The following HSP90AB1 variants were observed in gnomAD, a reference collection of about 807,000 sequenced individuals.
HSP90AB1 encodes heat shock protein 90 alpha family class B member 1.
HSP90AB1 carries 17 observed loss-of-function variants against 67.8 expected under a neutral mutation model. That is an observed-to-expected ratio of 0.25 (90% CI 0.17 to 0.38). HSP90AB1 has a LOEUF of 0.38. HSP90AB1 is among the 10% of genes least tolerant of loss of function. HSP90AB1 has a pLI of 1.00. For synonymous variants in HSP90AB1, 390 were observed against 312.9 expected, an observed-to-expected ratio of 1.25 and a Z score of -2.60; for missense variants, 690 against 899.9, an observed-to-expected ratio of 0.77 and a Z score of 2.98.
In HSP90AB1 at chr6:44,253,746, A is replaced by T. The variant is rs758408951; in HGVS notation, c.*148A>T. On this transcript the variant is annotated 3_prime_UTR_variant, in exon 12 of 12. Coordinates refer to ENST00000371646, the MANE Select transcript of HSP90AB1 (RefSeq NM_007355.4). The stretch of plus-strand genomic sequence containing the variant: ...CTCCTGTCCTTGTGTTGAAGGCAGT[A>T]AACTAAGGGTGTCAAGCCCCATTCC... 3.8e-6 allele frequency: 3 copies of T among 782,112 alleles called. No homozygotes were observed. The highest frequency in any genetic ancestry group is 7.1e-6 in the Non-Finnish European group (3 of 420,354). 48.4% of individuals were successfully genotyped at this position (782,112 alleles called of 1,614,324 possible).
chr6:44,247,922 C>T (rs369057428), intron 1 of HSP90AB1: 1 of 152,236 alleles, frequency 6.6e-6, no homozygotes, highest in African/African-American at 2.4e-5. Context: ...CTCGCGTGGT[C>T]CTGGCCGACG....
At chr6:44,247,997 T>G (rs1000003153) in intron 1 of HSP90AB1, 1 of 152,296 alleles carries the variant, frequency 6.6e-6, no homozygotes, top group Non-Finnish European at 1.5e-5. Flanking sequence ...GGTTTGGTCC[T>G]GTTCTGTAAT....
rs780117190 is a variant in HSP90AB1, at chr6:44,248,785, T to C, written c.147+9T>C. The C allele has an allele frequency of 1.9e-6, 3 of 1,591,890 alleles. No individual in the cohort carries two copies. The highest frequency in any genetic ancestry group is 2.6e-6 in the Non-Finnish European group (3 of 1,173,952). On this transcript the variant is annotated intron_variant, in intron 2 of 11. Coordinates refer to ENST00000371646, the MANE Select transcript of HSP90AB1 (RefSeq NM_007355.4). Reference sequence around the variant, plus strand: ...TCTCTAATGCTTCTGATGTAGGTGCTCTGGTTTCCACATTTGGCATGGTTT... The same window carrying C: ...TCTCTAATGCTTCTGATGTAGGTGCCCTGGTTTCCACATTTGGCATGGTTT...
At chr6:44,246,265 G>C (rs1189248520), upstream of HSP90AB1, 1 of 152,276 alleles carries the variant, frequency 6.6e-6, no homozygotes, top group Admixed American at 6.5e-5. Context: ...TTGACGCGGG[G>C]AAGGAGGGGT....
chr6:44,248,900 A>G lies in HSP90AB1; in HGVS notation c.147+124A>G. 6 of 857,136 alleles carry G rather than the reference A, an allele frequency of 7.0e-6. No homozygotes were observed. The South Asian group carries it at 8.3e-5, about 12-fold the overall frequency. The allele number at this position is 857,136 out of a possible 1,614,324, so 53.1% of individuals were successfully genotyped here. A position where few individuals can be genotyped will look rare whatever the true frequency, so the allele number is the denominator to read the frequency against. ...AAGGGGGTAAACTTGCAGCTATTCC[A>G]AAAAGATGGGTTTTACTCTGGCCAT... is the stretch of plus-strand genomic sequence containing the variant. On this transcript the variant is annotated intron_variant, in intron 2 of 11. Coordinates refer to ENST00000371646, the MANE Select transcript of HSP90AB1 (RefSeq NM_007355.4).
chr6:44,251,643 C>T, intron 8 of HSP90AB1, 35 bp downstream of exon 8: 2 of 1,586,328 alleles, frequency 1.3e-6, no homozygotes, highest in Non-Finnish European at 1.7e-6. Context: ...CCCTTTACCA[C>T]TTTCTTAGTA....
rs756933331 is a variant in HSP90AB1 at position 44,253,772 on chromosome 6, C to T, written c.*174C>T. On this transcript the variant is annotated 3_prime_UTR_variant, in exon 12 of 12. Coordinates refer to ENST00000371646, the MANE Select transcript of HSP90AB1 (RefSeq NM_007355.4). ...AACTAAGGGTGTCAAGCCCCATTCC[C>T]TCTCTACTCTTGACAGCAGGATTGG... is the stretch of plus-strand genomic sequence containing the variant. The T allele has an allele frequency of 5.1e-6, 4 of 777,776 alleles. No individual in the cohort carries two copies. Among genetic ancestry groups the T allele is most frequent in the Non-Finnish European group, 9.6e-6 (4 of 416,992 alleles). The allele number at this position is 777,776 out of a possible 1,614,324, so 48.2% of individuals were successfully genotyped here. A position where few individuals can be genotyped will look rare whatever the true frequency, so the allele number is the denominator to read the frequency against.
At position 44,251,202 on chromosome 6, in the gene HSP90AB1, C is replaced by T; in HGVS notation, c.1112C>T (p.Pro371Leu). ...ATGGACAGCTGTGATGAGTTGATAC[C>T]AGAGTATCTCAGTGAGTATCTCCTT... Reference protein sequence around the residue: ...FIMDSCDELIPEYLNFIRGVV... With the variant: ...FIMDSCDELILEYLNFIRGVV... The change falls in exon 7 of 12, where the codon CCA becomes CTA. Residue 371 changes from proline to leucine, a missense_variant. Physicochemically the swap from Pro to Leu is moderately conservative, Grantham distance 98. This residue lies in a region of HSP90AB1 where 101 missense variants were observed against 174.8 expected (regional missense o/e 0.58). Coordinates refer to ENST00000371646, the MANE Select transcript of HSP90AB1 (RefSeq NM_007355.4). 6.2e-7 allele frequency: 1 copy of T among 1,614,032 alleles called. No homozygotes were observed. The highest frequency in any genetic ancestry group is 8.5e-7 in the Non-Finnish European group (1 of 1,179,918).
rs986614605 is a variant in HSP90AB1 at position 44,250,596 on chromosome 6, C to A, written c.954C>A (p.Val318=). 14 of 1,578,902 alleles carry A rather than the reference C, an allele frequency of 8.9e-6. No homozygotes were observed. The highest frequency in any genetic ancestry group is 3.3e-5 in the South Asian group (3 of 89,760). The change falls in exon 6 of 12, where the codon GTC becomes GTA. Residue 318 remains valine (V), a synonymous_variant. Transcript: ENST00000371646. ...ATGACTGGGAAGACCACTTGGCAGT[C>A]AAGGTGTGAGAAGCCTTTGCATGTT... ...LTNDWEDHLA[V]KHFSVEGQLE...
chr6:44,246,751 C>T (rs34094794), upstream of HSP90AB1, among the ~76,000 whole-genome samples: 15,453 of 152,152 alleles, frequency 0.1, 849 homozygotes, highest in African/African-American at 0.14. Context: ...CCCCCCCAGT[C>T]CCGCCCTTGG....
At position 44,249,788 on chromosome 6, in the gene HSP90AB1, T is replaced by C. The variant is rs1482184119; in HGVS notation, c.468T>C (p.Ala156=). 6.2e-7 allele frequency: 1 copy of C among 1,613,304 alleles called. No individual in the cohort carries two copies. Among genetic ancestry groups the C allele is most frequent in the Non-Finnish European group, 8.5e-7 (1 of 1,179,602 alleles). Residue 156 remains alanine, a synonymous_variant, in exon 4 of 12, where the codon GCT becomes GCC. Transcript: ENST00000371646. ...ITKHNDDEQY[A]WESSAGGSFT... The stretch of plus-strand genomic sequence containing the variant: ...AGCACAACGATGATGAACAGTATGC[T>C]TGGGAGTCTTCTGCTGGAGGTTCCT...
chr6:44,247,625 C>G (rs886254338), intron 1 of HSP90AB1, among the ~76,000 whole-genome samples: 1 of 152,216 alleles, frequency 6.6e-6, no homozygotes, highest in African/African-American at 2.4e-5. Flanking sequence ...CCTCTCTTAT[C>G]GGACGCGTTG....
intron 2 of HSP90AB1, 29 bp downstream of exon 2, chr6:44,248,805 T>C (rs1561897809): frequency 1.3e-6 from 2 of 1,524,616 alleles, no homozygotes; most frequent in Non-Finnish European, 1.7e-6. Context: ...ACATTTGGCA[T>C]GGTTTTTTTT....
At position 44,252,098 on chromosome 6, in the gene HSP90AB1, G is replaced by A. The variant is rs1780711009; in HGVS notation, c.1562G>A (p.Cys521Tyr). 2.5e-6 allele frequency: 4 copies of A among 1,614,072 alleles called. No individual in the cohort carries two copies. The highest frequency in any genetic ancestry group is 3.4e-6 in the Non-Finnish European group (4 of 1,180,038). The change falls in exon 10 of 12, where the codon TGT becomes TAT. Residue 521 changes from cysteine (C) to tyrosine (Y), a missense_variant. Cys to Tyr is a radical substitution (Grantham distance 194). Transcript: ENST00000371646. Reference sequence around the variant, plus strand: ...ATGACCGAGCCCATTGACGAGTACTGTGTGCAGCAGCTCAAGGAATTTGAT... The same window carrying A: ...ATGACCGAGCCCATTGACGAGTACTATGTGCAGCAGCTCAAGGAATTTGAT... ...VYMTEPIDEY[C>Y]VQQLKEFDGK...
intron 9 of HSP90AB1, 36 bp downstream of exon 9, chr6:44,251,920 T>G: frequency 6.2e-7 from 1 of 1,613,170 alleles, no homozygotes; most frequent in Non-Finnish European, 8.5e-7. Flanking sequence ...TTTGGAGGAG[T>G]GGGGAGCACA....
At position 44,251,582 on chromosome 6, in the gene HSP90AB1, T is replaced by C; in HGVS notation, c.1288T>C (p.Tyr430His). The C allele has an allele frequency of 6.2e-7, 1 of 1,606,944 alleles. No individual in the cohort carries two copies. The highest frequency in any genetic ancestry group is 8.5e-7 in the Non-Finnish European group (1 of 1,175,354). ...AEDKENYKKF[Y>H]EAFSKNLKLG... ...AGACAAGGAGAATTACAAGAAATTC[T>C]ATGAGGCATTCTCTAAAAATCTCAA... Residue 430 changes from tyrosine (Y) to histidine (H), a missense_variant, in exon 8 of 12, where the codon TAT becomes CAT. Tyr to His is a moderately conservative substitution (Grantham distance 83, BLOSUM62 2). This residue lies in a region of HSP90AB1 where 206 missense variants were observed against 221.4 expected (regional missense o/e 0.93). Transcript: ENST00000371646.
At chr6:44,246,808 C>T (rs979566346), upstream of HSP90AB1, among the ~76,000 whole-genome samples, 1 of 152,126 alleles carries the variant, frequency 6.6e-6, no homozygotes, top group South Asian at 2.1e-4. Context: ...TCAGTGGGTT[C>T]CTCGCCCGTA....
rs781093565 is a variant in HSP90AB1 at position 44,250,419 on chromosome 6, T to C, written c.777T>C (p.Asp259=). 3.0e-4 allele frequency: 477 copies of C among 1,613,670 alleles called. No individual in the cohort carries two copies. The highest frequency in any genetic ancestry group is 1.3e-4 in the Non-Finnish European group (148 of 1,179,818). Residue 259 remains aspartate (D), a synonymous_variant, in exon 6 of 12, where the codon GAT becomes GAC. Transcript: ENST00000371646. ...KIEDVGSDEE[D]DSGKDKKKKT... The stretch of plus-strand genomic sequence containing the variant: ...AAGATGTGGGTTCAGATGAGGAGGA[T>C]GACAGCGGTAAGGATAAGAAGAAGA...
intron 1 of HSP90AB1, chr6:44,247,765 GGA>G (rs1428703277): frequency 6.6e-6 from 1 of 152,266 alleles, no homozygotes; most frequent in Non-Finnish European, 1.5e-5. Context: ...GGAGGGGCGG[GGA>G]GGGGAGCAGG....
Sources: allele counts gnomAD v4.1 joint callset (sites outside exome capture counted in the v4.1 genomes callset), GRCh38; gene constraint gnomAD v4.1.1; regional missense constraint gnomAD v4.1.1; transcripts MANE v1.5; gene names NCBI Gene and HGNC (gene_info 2026-07-23, HGNC 2026-07-21).